CTNNA3: variants seen among roughly 807,000 people sequenced by gnomAD.
CTNNA3 encodes catenin alpha-3.
In CTNNA3, 76 loss-of-function variants were observed where a neutral mutation model predicts 95.7. The observed-to-expected ratio is 0.79, with a 90% CI of 0.66 to 0.96. The LOEUF (loss-of-function observed/expected upper bound fraction) is 0.96. CTNNA3 is among the 40% of genes least tolerant of loss of function. CTNNA3 has a pLI of 0.00. For synonymous variants in CTNNA3, 431 were observed against 374.4 expected (o/e 1.15, Z -1.74); for missense variants, 1,191 against 1,089.8 (o/e 1.09, Z -1.31).
chr10:66,874,708 T>C (rs990162845), intron 7 of CTNNA3, among the ~76,000 whole-genome samples: 28 of 152,236 alleles, frequency 1.8e-4, no homozygotes, highest in African/African-American at 4.8e-4. Flanking sequence ...TACCAATCTA[T>C]ATAATTTTCT....
chr10:67,189,145 A>AAC (rs1863003555), intron 6 of CTNNA3, among the ~76,000 whole-genome samples: 1 of 130,214 alleles, frequency 7.7e-6, no homozygotes, highest in African/African-American at 3.6e-5. Context: ...ACAACAACAA[A>AAC]AAAAAAAACA....
At chr10:67,313,437 A>T (rs1363543843) in intron 5 of CTNNA3, among the ~76,000 whole-genome samples, 5 of 151,662 alleles carry the variant, frequency 3.3e-5, no homozygotes, top group South Asian at 4.2e-4. Flanking sequence ...GTCTCAAAAA[A>T]AAAAAAAATA....
intron 1 of CTNNA3, among the ~76,000 whole-genome samples, chr10:67,727,470 T>G (rs569551912): frequency 4.3e-4 from 57 of 132,558 alleles, no homozygotes; most frequent in African/African-American, 1.4e-3. Flanking sequence ...TATCATATAT[T>G]ATATATTTAT....
intron 3 of CTNNA3, among the ~76,000 whole-genome samples, chr10:67,563,022 C>T (rs1841588521): frequency 6.6e-6 from 1 of 151,866 alleles, no homozygotes; most frequent in Admixed American, 6.6e-5. Flanking sequence ...ATTCCATGCT[C>T]ATGGGTAGGA....
intron 5 of CTNNA3, among the ~76,000 whole-genome samples, chr10:67,511,087 T>C (rs1215952242): frequency 1.3e-5 from 2 of 152,166 alleles, no homozygotes; most frequent in African/African-American, 2.4e-5. Flanking sequence ...TTAAGGAGAT[T>C]TGGGGCTGAG....
At chr10:66,607,472 C>CAAAAAAAAAAAAAAAAAAAAAAAA (rs574854850) in intron 10 of CTNNA3, among the ~76,000 whole-genome samples, 5 of 45,290 alleles carry the variant, frequency 1.1e-4, no homozygotes, top group Non-Finnish European at 1.1e-4. Flanking sequence ...CAGAGACAAC[C>CAAAAAAAAAAAAAAAAAAAAAAAA]AAAAAAAAAA....
At chr10:66,170,886 C>A (rs755414969) in intron 13 of CTNNA3, among the ~76,000 whole-genome samples, 12 of 152,102 alleles carry the variant, frequency 7.9e-5, no homozygotes, top group Non-Finnish European at 1.6e-4. Flanking sequence ...GTAATCCCAG[C>A]ACTTTGGGAG....
chr10:67,606,001 C>T (rs1204973758), intron 3 of CTNNA3, among the ~76,000 whole-genome samples: 2 of 152,164 alleles, frequency 1.3e-5, no homozygotes, highest in Admixed American at 6.5e-5. Flanking sequence ...CTGTATCATA[C>T]ATGTGACATA....
intron 5 of CTNNA3, among the ~76,000 whole-genome samples, chr10:67,413,813 C>A (rs541560736): frequency 1.3e-5 from 2 of 152,118 alleles, no homozygotes; most frequent in South Asian, 4.1e-4. Flanking sequence ...GGAAAGTAAG[C>A]AACTTATTCC....
Position 66,514,354 on chromosome 10 carries a change from A to G in CTNNA3, c.1531+6263T>C, listed in dbSNP as rs142065430. On this transcript the variant is annotated intron_variant, in intron 11 of 17. Transcript: ENST00000433211. ...ACTTAGGGAAAAGAAAGTTACTTGA[A>G]CTGGCGTAGTAGCAGTGAATATGGG... 6.8e-3 allele frequency among the ~76,000 whole-genome samples: 1,033 copies of G among 152,266 alleles called. 14 individuals carry two copies. Among genetic ancestry groups the G allele is most frequent in the African/African-American group, 0.024 (989 of 41,524 alleles).
chr10:67,286,794 C>G (rs191523764), intron 5 of CTNNA3, among the ~76,000 whole-genome samples: 6 of 152,266 alleles, frequency 3.9e-5, no homozygotes, highest in African/African-American at 2.4e-5. Flanking sequence ...TTCTACAACA[C>G]AGAACTACAA....
chr10:67,575,159 G>A (rs1032831347), intron 3 of CTNNA3, among the ~76,000 whole-genome samples: 1 of 152,124 alleles, frequency 6.6e-6, no homozygotes, highest in African/African-American at 2.4e-5. Flanking sequence ...CACTGATCTA[G>A]TTTATGTTTG....
At position 67,657,485 on chromosome 10, in the gene CTNNA3, A is replaced by G. The variant is rs771335967; in HGVS notation, c.-5-9967T>C. Among the ~76,000 whole-genome samples, 108 of 152,196 alleles carry G rather than the reference A, an allele frequency of 7.1e-4. 2 individuals carry two copies. The highest frequency in any genetic ancestry group is 9.2e-4 in the Admixed American group (14 of 15,278). On this transcript the variant is annotated intron_variant, in intron 1 of 17. Transcript: ENST00000433211. ...TGGAAATACAGGCAGTGATATTCAG[A>G]GTATGACTGTAGAATTGAGATTTGC...
intron 11 of CTNNA3, among the ~76,000 whole-genome samples, chr10:66,429,294 A>G (rs2093273649): frequency 6.6e-6 from 1 of 152,166 alleles, no homozygotes; most frequent in Non-Finnish European, 1.5e-5. Context: ...CCAGGACCAG[A>G]CGGATTCACA....
intron 2 of CTNNA3, among the ~76,000 whole-genome samples, chr10:67,614,521 T>G (rs1473829949): frequency 6.6e-6 from 1 of 152,194 alleles, no homozygotes; most frequent in Admixed American, 6.5e-5. Flanking sequence ...GTAGGCAACC[T>G]ACGTCACAAT....
At chr10:67,134,432 C>A (rs1384689963) in intron 7 of CTNNA3, among the ~76,000 whole-genome samples, 1 of 152,108 alleles carries the variant, frequency 6.6e-6, no homozygotes, top group African/African-American at 2.4e-5. Context: ...TGCAGCATAT[C>A]ATGAATGAAT....
At chr10:66,558,313 T>C (rs989435973) in intron 10 of CTNNA3, among the ~76,000 whole-genome samples, 1 of 152,132 alleles carries the variant, frequency 6.6e-6, no homozygotes, top group Non-Finnish European at 1.5e-5. Context: ...ACTTTCTATA[T>C]GAATAATGGT....
At chr10:67,412,482 A>C (rs2132842832) in intron 5 of CTNNA3, among the ~76,000 whole-genome samples, 1 of 152,258 alleles carries the variant, frequency 6.6e-6, no homozygotes, top group East Asian at 1.9e-4. Context: ...AGACATTGAC[A>C]TGCAAATCCA....
intron 5 of CTNNA3, among the ~76,000 whole-genome samples, chr10:67,461,785 A>G (rs1276214347): frequency 1.3e-5 from 2 of 152,184 alleles, no homozygotes; most frequent in East Asian, 1.9e-4. Flanking sequence ...ATTCTGTCTT[A>G]AAAACATCAT....
Sources: gnomAD v4.1 joint callset for allele counts (sites outside exome capture counted in the v4.1 genomes callset) on GRCh38, gnomAD v4.1.1 for gene constraint, MANE v1.5 for transcripts, NCBI Gene and HGNC (gene_info 2026-07-23, HGNC 2026-07-21) for gene names.